VMP1: variants seen among roughly 807,000 people sequenced by gnomAD.
VMP1 encodes vacuole membrane protein 1, also known as ectopic P-granules autophagy protein 3 homolog.
A neutral mutation model predicts 56.0 loss-of-function variants in VMP1; 11 were observed. That is an observed-to-expected ratio of 0.20 (90% CI 0.12 to 0.32). The LOEUF is 0.32. VMP1 is among the 10% of genes least tolerant of loss of function. The pLI, the probability that VMP1 is intolerant of heterozygous loss-of-function variation, is 1.00. For missense variants in VMP1, 296 were observed against 490.3 expected, an observed-to-expected ratio of 0.60 and a Z score of 3.74; for synonymous variants, 149 against 165.0, an observed-to-expected ratio of 0.90 and a Z score of 0.74.
At chr17:59,767,951 A>G (rs181117924) in intron 6 of VMP1, among the ~76,000 whole-genome samples, 2 of 151,180 alleles carry the variant, frequency 1.3e-5, no homozygotes, top group African/African-American at 4.9e-5. Context: ...TCTACTAAAA[A>G]TACAAAAAAT....
At position 59,739,581 on chromosome 17, in the gene VMP1, G is replaced by A. The variant is rs550854416; in HGVS notation, c.414+634G>A. Among the ~76,000 whole-genome samples the A allele has an allele frequency of 1.0e-4, 15 of 150,174 alleles. No individual in the cohort carries two copies. In the East Asian group the frequency reaches 2.0e-3, roughly 20 times the overall value. The stretch of plus-strand genomic sequence containing the variant: ...CTACTAAAAATACAAAAAATTAGCC[G>A]GACGTGGTGGCGGGTGCCTGTAGTC... On this transcript the variant is annotated intron_variant, in intron 5 of 11. Coordinates refer to ENST00000262291, the MANE Select transcript of VMP1 (RefSeq NM_030938.5).
At chr17:59,821,713 C>T (rs192731625) in intron 10 of VMP1, among the ~76,000 whole-genome samples, 4 of 151,030 alleles carry the variant, frequency 2.6e-5, no homozygotes, top group Non-Finnish European at 4.4e-5. Context: ...CCATCATGCC[C>T]GGCTAATTTT....
At chr17:59,767,685 G>A (rs1026413049) in intron 6 of VMP1, among the ~76,000 whole-genome samples, 1 of 152,110 alleles carries the variant, frequency 6.6e-6, no homozygotes, top group Non-Finnish European at 1.5e-5. Flanking sequence ...TATATTGTCT[G>A]TAGTGCTTAT....
chr17:59,761,450 A>G (rs1465981234), intron 5 of VMP1, among the ~76,000 whole-genome samples: 1 of 152,160 alleles, frequency 6.6e-6, no homozygotes, highest in Non-Finnish European at 1.5e-5. Flanking sequence ...TAGAACATTG[A>G]TGTGGGGGGA....
In VMP1 at chr17:59,840,353, A is replaced by G. The variant is rs1240246421; in HGVS notation, c.*442A>G. 6.1e-6 allele frequency: 1 copy of G among 162,614 alleles called. No homozygotes were observed. The highest frequency in any genetic ancestry group is 1.3e-5 in the Non-Finnish European group (1 of 74,732). 10.1% of individuals were successfully genotyped at this position (162,614 alleles called of 1,614,324 possible). On this transcript the variant is annotated 3_prime_UTR_variant, in exon 12 of 12. Transcript: ENST00000262291. ...TATCTAGATTGGATAACAGTCTTGC[A>G]TGTTTATCATGTTACAATTTAATAT... is the stretch of plus-strand genomic sequence containing the variant.
chr17:59,727,425 T>TTA, intron 1 of VMP1, among the ~76,000 whole-genome samples: 1 of 152,182 alleles, frequency 6.6e-6, no homozygotes, highest in Non-Finnish European at 1.5e-5. Context: ...TGAGCCATCA[T>TTA]GCCTGGCCCT....
intron 5 of VMP1, among the ~76,000 whole-genome samples, chr17:59,750,523 A>G (rs1380441506): frequency 6.6e-6 from 1 of 151,806 alleles, no homozygotes; most frequent in Non-Finnish European, 1.5e-5. Context: ...GCTGGCCTCG[A>G]CCTCCTGACC....
rs1190376318 is a variant in VMP1, at chr17:59,759,915, T to G, written c.415-5056T>G. Among the ~76,000 whole-genome samples, 6 of 149,476 alleles carry G rather than the reference T, an allele frequency of 4.0e-5. 1 individual carries two copies. The South Asian group carries it at 8.3e-4, about 21-fold the overall frequency. On this transcript the variant is annotated intron_variant, in intron 5 of 11. Transcript: ENST00000262291. ...TTTGTTTTTTGGTGTTTTTTTTTTT[T>G]TTTTTTTTGGTATTGAATTTATTTG...
intron 7 of VMP1, among the ~76,000 whole-genome samples, chr17:59,784,187 ATTTCT>A (rs2036929156): frequency 6.6e-6 from 1 of 151,230 alleles, no homozygotes; most frequent in Non-Finnish European, 1.5e-5. Flanking sequence ...AGGGAGAGAG[ATTTCT>A]TTTAATTAAA....
chr17:59,765,077 C>G lies in VMP1; in HGVS notation c.521C>G (p.Thr174Ser), dbSNP rs368875546. The change falls in exon 6 of 12, where the codon ACT becomes AGT. Residue 174 changes from threonine (T) to serine (S), a missense_variant. Transcript: ENST00000262291. ...DQIICPDEEG[T>S]EGTISLWSII... ...ATTATTTGTCCAGATGAAGAGGGCA[C>G]TGAAGGAACCATTTCTTTGTGGAGT... The G allele has an allele frequency of 2.2e-5, 35 of 1,613,944 alleles. No homozygotes were observed. The highest frequency in any genetic ancestry group is 5.3e-5 in the African/African-American group (4 of 74,908).
intron 6 of VMP1, among the ~76,000 whole-genome samples, chr17:59,765,532 T>G (rs1310598106): frequency 6.6e-6 from 1 of 152,200 alleles, no homozygotes; most frequent in Non-Finnish European, 1.5e-5. Flanking sequence ...GAAGCCTTAA[T>G]GATAAATAGT....
chr17:59,838,527 C>A, intron 11 of VMP1, 130 bp downstream of exon 11: 1 of 870,480 alleles, frequency 1.1e-6, no homozygotes, highest in Non-Finnish European at 1.9e-6. Context: ...AGAAGTTGAG[C>A]GTCTGTGTAT....
intron 1 of VMP1, among the ~76,000 whole-genome samples, chr17:59,714,630 C>A (rs917276436): frequency 7.0e-6 from 1 of 142,338 alleles, no homozygotes; most frequent in South Asian, 2.3e-4. Context: ...GTTGTTCTTG[C>A]GTTTTTGTTT....
At chr17:59,801,912 A>G (rs1002962350) in intron 7 of VMP1, among the ~76,000 whole-genome samples, 1 of 151,978 alleles carries the variant, frequency 6.6e-6, no homozygotes, top group African/African-American at 2.4e-5. Context: ...AACAAAAAAC[A>G]TATTTAGGCC....
chr17:59,738,990 A>C, intron 5 of VMP1, 43 bp downstream of exon 5: 2 of 1,447,830 alleles, frequency 1.4e-6, no homozygotes, highest in Non-Finnish European at 1.9e-6. Context: ...GATATTTCCT[A>C]TCTTTTTATT....
intron 6 of VMP1, among the ~76,000 whole-genome samples, chr17:59,771,882 A>G (rs570317177): frequency 1.3e-5 from 2 of 151,204 alleles, no homozygotes; most frequent in Admixed American, 1.3e-4. Flanking sequence ...CGTCTGACCA[A>G]CTTTTCTTAT....
At chr17:59,760,745 C>A (rs1383203465) in intron 5 of VMP1, among the ~76,000 whole-genome samples, 2 of 152,104 alleles carry the variant, frequency 1.3e-5, no homozygotes, top group Non-Finnish European at 2.9e-5. Context: ...CTCAGCCTCC[C>A]GAGTAGCTGG....
intron 10 of VMP1, among the ~76,000 whole-genome samples, chr17:59,835,764 A>G (rs1305199040): frequency 6.6e-6 from 1 of 150,956 alleles, no homozygotes; most frequent in East Asian, 1.9e-4. Context: ...TGCTGGGATT[A>G]CAGGCATGAG....
At position 59,758,951 on chromosome 17, in the gene VMP1, T is replaced by C. The variant is rs375665249; in HGVS notation, c.415-6020T>C. ...TCTACAAAAAATTAGCCAGGCGTGG[T>C]GGTGTACACCTGTAGTCCCAGCTAC... is the stretch of plus-strand genomic sequence containing the variant. On this transcript the variant is annotated intron_variant, in intron 5 of 11. Coordinates refer to ENST00000262291, the MANE Select transcript of VMP1 (RefSeq NM_030938.5). 3.2e-4 allele frequency among the ~76,000 whole-genome samples: 48 copies of C among 152,036 alleles called. No homozygotes were observed. In the South Asian group the frequency reaches 9.8e-3, roughly 31 times the overall value.
Sources: gnomAD v4.1 joint callset for allele counts (sites outside exome capture counted in the v4.1 genomes callset) on GRCh38, gnomAD v4.1.1 for gene constraint, MANE v1.5 for transcripts, NCBI Gene and HGNC (gene_info 2026-07-23, HGNC 2026-07-21) for gene names.